Variants in EPG5 observed in about 807,000 individuals in gnomAD.
The protein encoded by EPG5 is ectopic P-granules 5 autophagy tethering factor.
A neutral mutation model predicts 302.7 loss-of-function variants in EPG5; 159 were observed. The observed-to-expected ratio is 0.53, with a 90% confidence interval of 0.46 to 0.60. The LOEUF (loss-of-function observed/expected upper bound fraction) is 0.60. Ranked by LOEUF, EPG5 falls within the 20% of genes least tolerant of loss-of-function variation. The pLI is 0.00. For synonymous variants in EPG5, 1,158 were observed against 1,136.8 expected, an observed-to-expected ratio of 1.02 and a Z score of -0.37; for missense variants, 2,896 against 3,092.4, an observed-to-expected ratio of 0.94 and a Z score of 1.51.
intron 1 of EPG5, among the ~76,000 whole-genome samples, chr18:45,962,243 G>C (rs1002025854): frequency 6.6e-6 from 1 of 152,192 alleles, no homozygotes; most frequent in Non-Finnish European, 1.5e-5. Context: ...AGGAACTAGA[G>C]GTGGAAATCA....
intron 16 of EPG5, among the ~76,000 whole-genome samples, chr18:45,919,513 G>A (rs1454022026): frequency 1.3e-5 from 2 of 148,230 alleles, no homozygotes; most frequent in Non-Finnish European, 3.0e-5. Context: ...TTACATGTGT[G>A]GTTTTTTTTT....
At chr18:45,889,258 G>A (rs2049287338) in intron 28 of EPG5, among the ~76,000 whole-genome samples, 2 of 152,214 alleles carry the variant, frequency 1.3e-5, no homozygotes, top group South Asian at 2.1e-4. Context: ...AGAGGACAGT[G>A]AGAGAAAGCC....
At chr18:45,886,549 A>C (rs2049220963) in intron 29 of EPG5, among the ~76,000 whole-genome samples, 1 of 152,262 alleles carries the variant, frequency 6.6e-6, no homozygotes, top group Admixed American at 6.5e-5. Flanking sequence ...ATACAAGACA[A>C]ACTATAATGA....
intron 1 of EPG5, among the ~76,000 whole-genome samples, chr18:45,966,540 T>G (rs1568197394): frequency 6.6e-6 from 1 of 152,124 alleles, no homozygotes; most frequent in Non-Finnish European, 1.5e-5. Flanking sequence ...AAAATCACTC[T>G]AATACCACAT....
Position 45,904,103 on chromosome 18 carries a change from C to G in EPG5, c.4344G>C (p.Glu1448Asp). ...VMQNQQDLWM[E>D]YLNMERIYHE... ...GATAGATGCGCTCCATGTTCAAATA[C>G]TCCATCCACAGATCCTGAAACAGAA... is the stretch of plus-strand genomic sequence containing the variant. The change falls in exon 25 of 44, where the codon GAG becomes GAC. Residue 1448 changes from glutamate (E) to aspartate (D), a missense_variant. Physicochemically the swap from Glu to Asp is conservative, Grantham distance 45. Coordinates refer to ENST00000282041, the MANE Select transcript of EPG5 (RefSeq NM_020964.3). 6.2e-7 allele frequency: 1 copy of G among 1,611,452 alleles called. No homozygotes were observed.
intron 42 of EPG5, 68 bp from the exon 43 acceptor site, chr18:45,855,755 A>G (rs2048503794): frequency 6.2e-6 from 6 of 973,554 alleles, no homozygotes; most frequent in South Asian, 5.3e-5. Context: ...AATAAACACC[A>G]TATTTTCTAT....
chr18:45,851,178 TG>T lies in EPG5; in HGVS notation c.*1288del, dbSNP rs1261889098. Reference sequence around the variant, plus strand: ...CCTATACCCCTATAAACATTCTTGGTGGCTGTTTAGACATTTTTAGGTAAAT... The same window carrying T: ...CCTATACCCCTATAAACATTCTTGGTGCTGTTTAGACATTTTTAGGTAAAT... On this transcript the variant is annotated 3_prime_UTR_variant, in exon 44 of 44. Transcript: ENST00000282041. The T allele has an allele frequency of 6.6e-6, 1 of 152,226 alleles. No individual in the cohort carries two copies. The highest frequency in any genetic ancestry group is 2.4e-5 in the African/African-American group (1 of 41,452). The allele number at this position is 152,226 out of a possible 1,614,324, so 9.4% of individuals were successfully genotyped here.
intron 23 of EPG5, 111 bp downstream of exon 23, chr18:45,910,410 A>C: frequency 1.3e-6 from 1 of 783,312 alleles, no homozygotes; most frequent in Non-Finnish European, 2.1e-6. Flanking sequence ...TCCATATTCA[A>C]TCTAACCGTG....
chr18:45,956,542 C>T (rs1056079244), intron 1 of EPG5, among the ~76,000 whole-genome samples: 6 of 151,920 alleles, frequency 3.9e-5, no homozygotes, highest in Non-Finnish European at 4.4e-5. Flanking sequence ...CTGCAACCTC[C>T]GCCTCCTGGG....
intron 39 of EPG5, among the ~76,000 whole-genome samples, chr18:45,863,999 C>T (rs961768986): frequency 2.6e-5 from 4 of 152,144 alleles, no homozygotes; most frequent in African/African-American, 9.7e-5. Flanking sequence ...TCAGATATTG[C>T]TTCTCCCCAG....
At position 45,955,113 on chromosome 18, in the gene EPG5, T is replaced by A; in HGVS notation, c.289A>T (p.Thr97Ser). 4 of 1,614,070 alleles carry A rather than the reference T, an allele frequency of 2.5e-6. No homozygotes were observed. The highest frequency in any genetic ancestry group is 3.4e-6 in the Non-Finnish European group (4 of 1,179,960). ...SLTISNEESL[T>S]CNTEPPKEGG... is the part of the protein sequence containing the mutation. ...TCCTTTGGGGGCTCTGTGTTACACG[T>A]CAGGGACTCTTCATTGCTTATAGTT... is the stretch of plus-strand genomic sequence containing the variant. Residue 97 changes from threonine (T) to serine (S), a missense_variant, in exon 2 of 44, where the codon ACG becomes TCG. Physicochemically the swap from Thr to Ser is moderately conservative, Grantham distance 58 (BLOSUM62 1). Coordinates refer to ENST00000282041, the MANE Select transcript of EPG5 (RefSeq NM_020964.3).
At chr18:45,954,255 T>G in intron 2 of EPG5, 139 bp downstream of exon 2, 1 of 786,972 alleles carries the variant, frequency 1.3e-6, no homozygotes, top group Non-Finnish European at 2.0e-6. Flanking sequence ...CTGCAGGCAT[T>G]TGACTTTGTG....
At chr18:45,832,719 G>T in the EPG5 span, among the ~76,000 whole-genome samples, 1 of 152,226 alleles carries the variant, frequency 6.6e-6, no homozygotes, top group Non-Finnish European at 1.5e-5. Context: ...CATGATTCCA[G>T]TTCAGGAATC....
chr18:45,954,217 T>C (rs1188050796), intron 2 of EPG5, among the ~76,000 whole-genome samples, 177 bp downstream of exon 2: 1 of 152,208 alleles, frequency 6.6e-6, no homozygotes, highest in Non-Finnish European at 1.5e-5. Context: ...TCAGCCTGCT[T>C]CACTCCTCCA....
chr18:45,932,599 T>C (rs2050418318), intron 11 of EPG5, among the ~76,000 whole-genome samples: 1 of 152,190 alleles, frequency 6.6e-6, no homozygotes, highest in East Asian at 1.9e-4. Flanking sequence ...GAAAGCCTTA[T>C]TCTTCCACAA....
intron 39 of EPG5, among the ~76,000 whole-genome samples, chr18:45,861,946 T>C (rs530571640): frequency 1.3e-5 from 2 of 152,296 alleles, no homozygotes; most frequent in Admixed American, 6.5e-5. Flanking sequence ...GTCCCTCCTA[T>C]TCTACATTTC....
the EPG5 span, among the ~76,000 whole-genome samples, chr18:45,812,610 T>C: frequency 3.9e-5 from 6 of 152,146 alleles, no homozygotes; most frequent in East Asian, 1.2e-3. Flanking sequence ...TCAGAAATAA[T>C]GTCGCATATC....
chr18:45,838,934 C>T, the EPG5 span: 8 of 1,604,090 alleles, frequency 5.0e-6, no homozygotes, highest in South Asian at 2.2e-5. Context: ...TACACGTGTA[C>T]GGCCGCCAAC....
the EPG5 span, among the ~76,000 whole-genome samples, chr18:45,840,634 A>AC: frequency 1.3e-5 from 2 of 152,152 alleles, no homozygotes; most frequent in Non-Finnish European, 2.9e-5. Flanking sequence ...GGGCCCAGAG[A>AC]CCCCTAGGAA....
Sources: gnomAD v4.1 joint callset for allele counts (sites outside exome capture counted in the v4.1 genomes callset) on GRCh38, gnomAD v4.1.1 for gene constraint, MANE v1.5 for transcripts, NCBI Gene and HGNC (gene_info 2026-07-23, HGNC 2026-07-21) for gene names.